The following HDAC4 variants were observed in gnomAD, a reference collection of about 807,000 sequenced individuals.
HDAC4 encodes histone deacetylase A.
In HDAC4, 16 loss-of-function variants were observed where a neutral mutation model predicts 135.1. That is an observed-to-expected ratio of 0.12 (90% confidence interval 0.08 to 0.18). The LOEUF is 0.18. Ranked by LOEUF, HDAC4 falls within the 10% of genes least tolerant of loss-of-function variation. The pLI, the probability that HDAC4 is intolerant of heterozygous loss-of-function variation, is 1.00. For synonymous variants in HDAC4, 685 were observed against 653.4 expected, an observed-to-expected ratio of 1.05 and a Z score of -0.74; for missense variants, 1,143 against 1,511.8, an observed-to-expected ratio of 0.76 and a Z score of 4.05.
chr2:239,393,470 C>T (rs560814105), intron 1 of HDAC4, among the ~76,000 whole-genome samples: 3 of 152,314 alleles, frequency 2.0e-5, no homozygotes, highest in African/African-American at 7.2e-5. Flanking sequence ...GCCAGTTGGC[C>T]CGGCTCATCA....
chr2:239,189,335 G>C (rs1433493525), intron 4 of HDAC4, among the ~76,000 whole-genome samples: 1 of 152,032 alleles, frequency 6.6e-6, no homozygotes, highest in East Asian at 1.9e-4. Flanking sequence ...AATATTTGTA[G>C]ACAGTAAGTA....
intron 1 of HDAC4, among the ~76,000 whole-genome samples, chr2:239,382,867 G>A (rs1048500750): frequency 1.3e-5 from 2 of 152,094 alleles, no homozygotes; most frequent in African/African-American, 4.8e-5. Context: ...TGGAGTTACA[G>A]GCATGAGCCA....
chr2:239,056,514 G>A (rs60471431), intron 24 of HDAC4, among the ~76,000 whole-genome samples: 4 of 152,212 alleles, frequency 2.6e-5, no homozygotes, highest in African/African-American at 7.2e-5. Context: ...AATCAACACC[G>A]TGGTATTGAA....
At chr2:239,334,899 C>A (rs563668812) in intron 2 of HDAC4, among the ~76,000 whole-genome samples, 33 of 151,956 alleles carry the variant, frequency 2.2e-4, no homozygotes, top group African/African-American at 8.0e-4. Context: ...GTGGCGTGCA[C>A]CTGTAGTCCC....
chr2:239,149,859 G>C (rs948193704), intron 7 of HDAC4, among the ~76,000 whole-genome samples: 12 of 152,320 alleles, frequency 7.9e-5, no homozygotes, highest in South Asian at 6.2e-4. Flanking sequence ...GCTCGTGGAG[G>C]GGGTGGGGAA....
chr2:239,096,168 G>A (rs1370751287), intron 16 of HDAC4, among the ~76,000 whole-genome samples: 10 of 152,142 alleles, frequency 6.6e-5, no homozygotes, highest in Non-Finnish European at 1.5e-4. Flanking sequence ...CCTCTTGCCT[G>A]GAGGGCTTGC....
At chr2:239,387,829 G>A (rs1036476933) in intron 1 of HDAC4, among the ~76,000 whole-genome samples, 5 of 152,052 alleles carry the variant, frequency 3.3e-5, no homozygotes, top group Admixed American at 6.5e-5. Context: ...GAGGAGCCGC[G>A]CCTCCTGCCT....
chr2:239,142,430 G>C (rs1432577431), intron 8 of HDAC4, among the ~76,000 whole-genome samples: 1 of 152,186 alleles, frequency 6.6e-6, no homozygotes, highest in Non-Finnish European at 1.5e-5. Flanking sequence ...TGGTACCAGT[G>C]CCGGCCAGGA....
At chr2:239,327,630 G>C (rs112872485) in intron 2 of HDAC4, among the ~76,000 whole-genome samples, 1 of 152,332 alleles carries the variant, frequency 6.6e-6, no homozygotes, top group African/African-American at 2.4e-5. Flanking sequence ...CCCCCAGCCA[G>C]CCAGCCCAGA....
chr2:239,150,812 C>T (rs1265476471), intron 7 of HDAC4, among the ~76,000 whole-genome samples: 1 of 151,752 alleles, frequency 6.6e-6, no homozygotes, highest in East Asian at 1.9e-4. Flanking sequence ...ATATACCGCA[C>T]CTCCTGAAGT....
rs566224642 is a variant in HDAC4 at position 239,155,572 on chromosome 2, A to C, written c.733+1080T>G. On this transcript the variant is annotated intron_variant, in intron 7 of 26. Coordinates refer to ENST00000543185, the MANE Select transcript of HDAC4 (RefSeq NM_001378414.1). ...CTCCTCTAGGGTCACAGCTGGCCTG[A>C]TATGACCCTCTGCTCCAGGGATGTG... 10 of 152,566 alleles carry C rather than the reference A, an allele frequency of 6.6e-5. No individual in the cohort carries two copies. The East Asian group carries it at 1.9e-3, about 29-fold the overall frequency. The allele number at this position is 152,566 out of a possible 1,614,324, so 9.5% of individuals were successfully genotyped here. A position where few individuals can be genotyped will look rare whatever the true frequency, so the allele number is the denominator to read the frequency against.
intron 2 of HDAC4, among the ~76,000 whole-genome samples, chr2:239,265,028 G>C (rs185456524): frequency 6.6e-6 from 1 of 152,318 alleles, no homozygotes; most frequent in African/African-American, 2.4e-5. Context: ...GGCTGAAGTG[G>C]ACAGGGGTGC....
chr2:239,321,520 G>A (rs954843031), intron 2 of HDAC4, among the ~76,000 whole-genome samples: 5 of 148,606 alleles, frequency 3.4e-5, no homozygotes, highest in Admixed American at 6.7e-5. Flanking sequence ...TGTGTTTTGA[G>A]CCAATCTTAA....
At chr2:239,394,424 G>A (rs966899253) in intron 1 of HDAC4, among the ~76,000 whole-genome samples, 12 of 152,188 alleles carry the variant, frequency 7.9e-5, no homozygotes, top group African/African-American at 2.9e-4. Flanking sequence ...CTTCATAAAA[G>A]CACCACTCGC....
intron 2 of HDAC4, among the ~76,000 whole-genome samples, chr2:239,294,847 C>T (rs991932059): frequency 5.3e-5 from 8 of 152,282 alleles, no homozygotes; most frequent in East Asian, 1.9e-4. Flanking sequence ...GGACTGTGCG[C>T]TCTCAGGACA....
intron 2 of HDAC4, among the ~76,000 whole-genome samples, chr2:239,277,326 T>G (rs2050427768): frequency 6.6e-6 from 1 of 151,486 alleles, no homozygotes; most frequent in African/African-American, 2.4e-5. Context: ...GGCACAAGGG[T>G]GAGAGGTGGG....
At chr2:239,163,621 G>A (rs2042953527) in intron 6 of HDAC4, among the ~76,000 whole-genome samples, 182 bp downstream of exon 6, 2 of 152,134 alleles carry the variant, frequency 1.3e-5, no homozygotes, top group Admixed American at 6.5e-5. Flanking sequence ...GACGGCTGCC[G>A]CACGAGTGTA....
At chr2:239,128,035 C>A (rs1212220888) in intron 11 of HDAC4, among the ~76,000 whole-genome samples, 1 of 152,190 alleles carries the variant, frequency 6.6e-6, no homozygotes, top group East Asian at 1.9e-4. Flanking sequence ...CCCAGCAAGA[C>A]CCCAGCAAGG....
At chr2:239,077,412 AGAG>A (rs2034873062) in intron 22 of HDAC4, among the ~76,000 whole-genome samples, 1 of 152,206 alleles carries the variant, frequency 6.6e-6, no homozygotes, top group Non-Finnish European at 1.5e-5. Flanking sequence ...GGGCCTGCCT[AGAG>A]CTTGTCCTCC....
Sources: allele counts gnomAD v4.1 joint callset (sites outside exome capture counted in the v4.1 genomes callset), GRCh38; gene constraint gnomAD v4.1.1; transcripts MANE v1.5; gene names NCBI Gene and HGNC (gene_info 2026-07-23, HGNC 2026-07-21).